The following SRGAP1 variants were observed in gnomAD, a reference collection of about 807,000 sequenced individuals.
SRGAP1 encodes SLIT-ROBO Rho GTPase activating protein 1, also known as SLIT-ROBO Rho GTPase-activating protein 1.
Under a neutral mutation model 121.9 loss-of-function variants are expected in SRGAP1, and 43 were observed. The observed-to-expected ratio is 0.35, with a 90% CI of 0.28 to 0.46. The LOEUF (loss-of-function observed/expected upper bound fraction) is 0.46, where lower values mean the gene tolerates loss of function less well. SRGAP1 is among the 20% of genes least tolerant of loss of function. The pLI is 1.00. For missense variants in SRGAP1, 1,102 were observed against 1,350.9 expected (o/e 0.82, Z 2.89); for synonymous variants, 447 against 485.4 (o/e 0.92, Z 1.04).
At chr12:63,927,133 C>T (rs1051593653) in intron 1 of SRGAP1, among the ~76,000 whole-genome samples, 72 of 152,274 alleles carry the variant, frequency 4.7e-4, no homozygotes, top group African/African-American at 1.7e-3. Context: ...CGTATTTCAT[C>T]TTGACGTCTG....
chr12:64,020,767 C>G (rs780983146), intron 4 of SRGAP1, among the ~76,000 whole-genome samples: 3 of 145,810 alleles, frequency 2.1e-5, no homozygotes, highest in Non-Finnish European at 4.5e-5. Flanking sequence ...CGCTTGAACC[C>G]AAGAGGTGGG....
intron 1 of SRGAP1, among the ~76,000 whole-genome samples, chr12:63,925,078 C>T (rs1195179033): frequency 2.0e-5 from 3 of 152,078 alleles, no homozygotes; most frequent in Non-Finnish European, 4.4e-5. Context: ...GTCCATAATG[C>T]TTTAAAGAAC....
chr12:64,125,161 T>C (rs2036667869), intron 18 of SRGAP1, among the ~76,000 whole-genome samples: 1 of 152,224 alleles, frequency 6.6e-6, no homozygotes, highest in South Asian at 2.1e-4. Context: ...ATATATTCTC[T>C]ATCTCTATAA....
chr12:63,902,053 G>A (rs10784372), intron 1 of SRGAP1, among the ~76,000 whole-genome samples: 41,696 of 152,052 alleles, frequency 0.27, 6,323 homozygotes, highest in East Asian at 0.59. Context: ...GGTGGCTCAC[G>A]CCTGTAATCC....
chr12:64,027,333 A>C (rs969514566), intron 4 of SRGAP1, among the ~76,000 whole-genome samples: 8 of 152,102 alleles, frequency 5.3e-5, no homozygotes, highest in African/African-American at 1.9e-4. Flanking sequence ...GTGTGGGTAC[A>C]TAACACAGAC....
rs78675057 is a variant in SRGAP1, at chr12:64,156,529, G to T, written c.*13857G>T. 6.4e-4 allele frequency: 97 copies of T among 152,280 alleles called. No homozygotes were observed. The highest frequency in any genetic ancestry group is 2.1e-3 in the African/African-American group (89 of 41,546). 9.4% of individuals were successfully genotyped at this position (152,280 alleles called of 1,614,324 possible). ...GGGTACTCATCTACAGGATGAAAGG[G>T]TATGAGCACGTTTCTAGGTGCCCTG... On this transcript the variant is annotated 3_prime_UTR_variant, in exon 22 of 22. Transcript: ENST00000355086.
intron 1 of SRGAP1, among the ~76,000 whole-genome samples, chr12:63,857,843 A>G (rs1229115554): frequency 6.6e-6 from 1 of 152,208 alleles, no homozygotes; most frequent in African/African-American, 2.4e-5. Context: ...TGCCCTAGGC[A>G]GAATTTCCAG....
In SRGAP1 at chr12:64,156,810, T is replaced by C. The variant is rs1311627568; in HGVS notation, c.*14138T>C. 1 of 152,134 alleles carries C rather than the reference T, an allele frequency of 6.6e-6. No homozygotes were observed. Among genetic ancestry groups the C allele is most frequent in the Non-Finnish European group, 1.5e-5 (1 of 68,030 alleles). 9.4% of individuals were successfully genotyped at this position (152,134 alleles called of 1,614,324 possible). A position where few individuals can be genotyped will look rare whatever the true frequency, so the allele number is the denominator to read the frequency against. The stretch of plus-strand genomic sequence containing the variant: ...CTGCTGCTGCATCACTGCAGTTTAA[T>C]AGGAGGAGGCTGGTGAAAATGTTAC... On this transcript the variant is annotated 3_prime_UTR_variant, in exon 22 of 22. Coordinates refer to ENST00000355086, the MANE Select transcript of SRGAP1 (RefSeq NM_020762.4).
chr12:64,097,407 A>C, intron 15 of SRGAP1, 32 bp downstream of exon 15: 1 of 1,607,786 alleles, frequency 6.2e-7, no homozygotes, highest in Non-Finnish European at 8.5e-7. Context: ...CTTTTCCCAC[A>C]AGAATTATTT....
At chr12:63,992,036 G>C (rs573227975) in intron 3 of SRGAP1, among the ~76,000 whole-genome samples, 1 of 152,170 alleles carries the variant, frequency 6.6e-6, no homozygotes, top group South Asian at 2.1e-4. Context: ...AGGAGAAGGA[G>C]GCATTCATCT....
intron 15 of SRGAP1, among the ~76,000 whole-genome samples, chr12:64,104,416 A>G (rs2036306740): frequency 6.6e-6 from 1 of 152,126 alleles, no homozygotes; most frequent in South Asian, 2.1e-4. Flanking sequence ...TGAAATACTG[A>G]TTTTCCCCAC....
At chr12:63,947,730 T>C (rs2032094638) in intron 1 of SRGAP1, among the ~76,000 whole-genome samples, 1 of 152,190 alleles carries the variant, frequency 6.6e-6, no homozygotes, top group Non-Finnish European at 1.5e-5. Context: ...CCTTCAACTT[T>C]TTAATCTTTC....
intron 8 of SRGAP1, among the ~76,000 whole-genome samples, chr12:64,072,970 G>A (rs1021497711): frequency 6.6e-6 from 1 of 152,156 alleles, no homozygotes; most frequent in Non-Finnish European, 1.5e-5. Flanking sequence ...CATTCTTCTG[G>A]TTTCTCACGA....
rs200270117 is a variant in SRGAP1 at position 64,128,170 on chromosome 12, C to T, written c.2850C>T (p.His950=). The T allele has an allele frequency of 7.5e-6, 12 of 1,600,162 alleles. No individual in the cohort carries two copies. The highest frequency in any genetic ancestry group is 1.0e-5 in the Non-Finnish European group (12 of 1,175,258). The change falls in exon 21 of 22, where the codon CAC becomes CAT. Residue 950 remains histidine (H), a synonymous_variant. Coordinates refer to ENST00000355086, the MANE Select transcript of SRGAP1 (RefSeq NM_020762.4). ...SSGQYTGFND[H]KPLDPETIAQ... is the part of the protein sequence containing the mutation. ...GGCAATACACGGGCTTCAATGACCA[C>T]AAGCCACTGGACCCAGAGACAATTG...
At chr12:64,066,563 T>C (rs2035543648) in intron 8 of SRGAP1, among the ~76,000 whole-genome samples, 1 of 152,200 alleles carries the variant, frequency 6.6e-6, no homozygotes, top group Non-Finnish European at 1.5e-5. Flanking sequence ...CCCACCAAGA[T>C]GTTTGAGCTC....
At chr12:63,880,003 T>G (rs921808152) in intron 1 of SRGAP1, among the ~76,000 whole-genome samples, 11 of 152,110 alleles carry the variant, frequency 7.2e-5, no homozygotes, top group Admixed American at 7.2e-4. Flanking sequence ...ATAATCTCCA[T>G]GTGTCATGGG....
intron 4 of SRGAP1, among the ~76,000 whole-genome samples, chr12:64,020,688 C>T (rs2136471379): frequency 6.6e-6 from 1 of 151,666 alleles, no homozygotes; most frequent in East Asian, 2.0e-4. Context: ...ACTAAAAATA[C>T]AAAAATTAGC....
chr12:64,010,289 T>C (rs2034213423), intron 3 of SRGAP1, among the ~76,000 whole-genome samples: 1 of 152,158 alleles, frequency 6.6e-6, no homozygotes, highest in Non-Finnish European at 1.5e-5. Context: ...GCCTTCTGAA[T>C]GGGTCATTGA....
chr12:63,996,569 G>A lies in SRGAP1; in HGVS notation c.426+6497G>A, dbSNP rs185584353. Among the ~76,000 whole-genome samples the A allele has an allele frequency of 1.4e-3, 212 of 152,208 alleles. 2 individuals carry two copies. Among genetic ancestry groups the A allele is most frequent in the African/African-American group, 4.5e-3 (187 of 41,554 alleles). Reference sequence around the variant, plus strand: ...GAGTAATGATGGTCATGGTTGTCATGTACAAACAGGTCATATATTCGCTGA... The same window carrying A: ...GAGTAATGATGGTCATGGTTGTCATATACAAACAGGTCATATATTCGCTGA... On this transcript the variant is annotated intron_variant, in intron 3 of 21. Transcript: ENST00000355086.
Sources: gnomAD v4.1 joint callset for allele counts (sites outside exome capture counted in the v4.1 genomes callset) on GRCh38, gnomAD v4.1.1 for gene constraint, MANE v1.5 for transcripts, NCBI Gene and HGNC (gene_info 2026-07-23, HGNC 2026-07-21) for gene names.